Variants in MAGT1 observed in about 807,000 individuals in gnomAD.
MAGT1 encodes the protein magnesium transporter 1, also known as dolichyl-diphosphooligosaccharide--protein glycosyltransferase subunit MAGT1.
Under a neutral mutation model 28.4 loss-of-function variants are expected in MAGT1, and 4 were observed. The observed-to-expected ratio is 0.14, with a 90% CI of 0.07 to 0.32. MAGT1 has a LOEUF of 0.32. MAGT1 is among the 10% of genes least tolerant of loss of function. The pLI, the probability that MAGT1 is intolerant of heterozygous loss-of-function variation, is 1.00. For missense variants in MAGT1, 193 were observed against 264.5 expected (o/e 0.73, Z 1.88); for synonymous variants, 89 against 89.7 (o/e 0.99, Z 0.04).
chrX:77,829,284 G>A, intron 9 of MAGT1, 49 bp from the exon 10 acceptor site: 1 of 1,049,371 alleles, frequency 9.5e-7, no homozygotes, highest in Non-Finnish European at 1.3e-6. Context: ...AGAAAAGTAG[G>A]ATTTACTTTT....
chrX:77,848,973 C>T (rs2076959550), intron 7 of MAGT1, among the ~76,000 whole-genome samples: 1 of 109,941 alleles, frequency 9.1e-6, no homozygotes, highest in South Asian at 3.9e-4. Context: ...ATGGTGACCC[C>T]ACTGTACTCA....
rs1283296675 is a variant in MAGT1 at position 77,866,930 on chromosome X, C to T, written c.390+3878G>A. ...AAACTGGCTCATCTGATCTTGTGGCCCCCTCCCAGGAACTGACTCAGCACA... is the reference window on the plus strand; with the variant it reads ...AAACTGGCTCATCTGATCTTGTGGCTCCCTCCCAGGAACTGACTCAGCACA... On this transcript the variant is annotated intron_variant, in intron 3 of 9. Transcript: ENST00000618282. Among the ~76,000 whole-genome samples, 2 of 64,952 alleles carry T rather than the reference C, an allele frequency of 3.1e-5. 1 individual carries two copies. Among genetic ancestry groups the T allele is most frequent in the Non-Finnish European group, 8.3e-5 (2 of 24,152 alleles). 56.4% of individuals were successfully genotyped at this position (64,952 alleles called of 115,157 possible). A position where few individuals can be genotyped will look rare whatever the true frequency, so the allele number is the denominator to read the frequency against.
At chrX:77,876,575 C>A (rs1192166597) in intron 1 of MAGT1, among the ~76,000 whole-genome samples, 1 of 110,751 alleles carries the variant, frequency 9.0e-6, no homozygotes, top group Non-Finnish European at 1.9e-5. Flanking sequence ...AAAAAACAAC[C>A]CAGAAGTAGA....
chrX:77,863,099 G>A (rs1381976815), intron 3 of MAGT1, among the ~76,000 whole-genome samples: 3 of 109,764 alleles, frequency 2.7e-5, no homozygotes, highest in Non-Finnish European at 5.7e-5. Flanking sequence ...CCCAGGAAGC[G>A]GAGGTTGCAG....
At chrX:77,840,296 C>T (rs1412869906) in intron 8 of MAGT1, among the ~76,000 whole-genome samples, 4 of 105,426 alleles carry the variant, frequency 3.8e-5, no homozygotes, top group African/African-American at 6.9e-5. Flanking sequence ...ACTAGCCGGG[C>T]GTGGTGGTGG....
intron 7 of MAGT1, among the ~76,000 whole-genome samples, chrX:77,844,523 T>G (rs782117098): frequency 1.5e-4 from 17 of 111,669 alleles, no homozygotes; most frequent in African/African-American, 5.5e-4. Flanking sequence ...TCTCTATTTC[T>G]TTTAATTGTG....
intron 3 of MAGT1, among the ~76,000 whole-genome samples, chrX:77,862,627 T>G (rs782016637): frequency 9.0e-6 from 1 of 111,683 alleles, no homozygotes; most frequent in African/African-American, 3.2e-5. Context: ...AAGACACACA[T>G]GGCCAACAGG....
At chrX:77,885,388 T>A (rs1362365636) in intron 1 of MAGT1, 1 of 101,275 alleles carries the variant, frequency 9.9e-6, no homozygotes, top group Non-Finnish European at 2.0e-5. Context: ...CTAGGCGTGG[T>A]GGCGCGCGCC....
At chrX:77,881,676 T>C (rs2077053160) in intron 1 of MAGT1, among the ~76,000 whole-genome samples, 1 of 111,253 alleles carries the variant, frequency 9.0e-6, no homozygotes, top group Non-Finnish European at 1.9e-5. Flanking sequence ...GTTAGACATT[T>C]GGGTTGGTTC....
At chrX:77,867,022 C>A (rs2077009994) in intron 3 of MAGT1, among the ~76,000 whole-genome samples, 1 of 65,824 alleles carries the variant, frequency 1.5e-5, no homozygotes, top group South Asian at 6.9e-4. Context: ...CACTGGCTTC[C>A]CCCCACCCAC....
intron 3 of MAGT1, among the ~76,000 whole-genome samples, chrX:77,861,303 A>G (rs1245342729): frequency 8.9e-6 from 1 of 111,842 alleles, no homozygotes; most frequent in African/African-American, 3.2e-5. Context: ...TTATGGAAAT[A>G]AAAAACAAAA....
At chrX:77,863,933 A>G (rs1557216666) in intron 3 of MAGT1, among the ~76,000 whole-genome samples, 1 of 111,273 alleles carries the variant, frequency 9.0e-6, no homozygotes. Flanking sequence ...CTGAGGCAGG[A>G]GAATGGCTTG....
At chrX:77,846,369 T>C (rs1288841748) in intron 7 of MAGT1, among the ~76,000 whole-genome samples, 2 of 111,728 alleles carry the variant, frequency 1.8e-5, no homozygotes, top group Admixed American at 1.9e-4. Context: ...TTCTTTGCCA[T>C]GGGTTCGAAC....
At chrX:77,863,839 T>C (rs2077001256) in intron 3 of MAGT1, among the ~76,000 whole-genome samples, 1 of 110,748 alleles carries the variant, frequency 9.0e-6, no homozygotes, top group Non-Finnish European at 1.9e-5. Flanking sequence ...CTGGCCAACA[T>C]GGTGAAACCC....
At chrX:77,839,918 A>G (rs2076930273) in intron 8 of MAGT1, among the ~76,000 whole-genome samples, 2 of 111,213 alleles carry the variant, frequency 1.8e-5, no homozygotes, top group Admixed American at 1.9e-4. Context: ...AAGTGCCAGG[A>G]TTACTGGCAT....
chrX:77,850,884 T>C (rs1603361049), intron 7 of MAGT1, among the ~76,000 whole-genome samples: 1 of 112,078 alleles, frequency 8.9e-6, no homozygotes, highest in Non-Finnish European at 1.9e-5. Context: ...TTCAAAGTAC[T>C]AGTGAGAAGA....
rs1418616022 is a variant in MAGT1, at chrX:77,826,077, C to G, written c.*3143G>C. ...GTCAAGGAATGTTCACTGTCTGGGA[C>G]GAAAGGTAGATCAATTGTTGCAAAC... On this transcript the variant is annotated 3_prime_UTR_variant, in exon 10 of 10. Transcript: ENST00000618282. Among the ~76,000 whole-genome samples, 7 of 112,102 alleles carry G rather than the reference C, an allele frequency of 6.2e-5. No homozygotes were observed. The East Asian group carries it at 1.7e-3, about 27-fold the overall frequency.
At chrX:77,846,102 T>C (rs1472562957) in intron 7 of MAGT1, among the ~76,000 whole-genome samples, 13 of 111,790 alleles carry the variant, frequency 1.2e-4, no homozygotes, top group Non-Finnish European at 1.7e-4. Flanking sequence ...TTTCACATAG[T>C]CCCATATTTC....
intron 8 of MAGT1, among the ~76,000 whole-genome samples, chrX:77,834,236 ATATATATG>A (rs2076907967): frequency 1.3e-5 from 1 of 77,858 alleles, no homozygotes; most frequent in Non-Finnish European, 2.8e-5. Flanking sequence ...GCATATATGT[ATATATATG>A]CATATATATA....
Sources: gnomAD v4.1 joint callset for allele counts (sites outside exome capture counted in the v4.1 genomes callset) on GRCh38, gnomAD v4.1.1 for gene constraint, MANE v1.5 for transcripts, NCBI Gene and HGNC (gene_info 2026-07-23, HGNC 2026-07-21) for gene names.